The following WDR25 variants were observed in gnomAD, a reference collection of about 807,000 sequenced individuals.
WDR25 encodes the protein WD repeat-containing protein 25.
WDR25 carries 35 observed loss-of-function variants against 47.7 expected under a neutral mutation model. The ratio of observed to expected loss-of-function variants is 0.73; its 90% CI spans 0.56 to 0.97. The LOEUF is 0.97. Ranked by LOEUF, WDR25 falls within the 50% of genes least tolerant of loss-of-function variation. The probability of loss-of-function intolerance (pLI) is 0.00; values close to 1 mark genes in which losing one functional copy is unlikely to be tolerated. For synonymous variants in WDR25, 248 were observed against 278.9 expected, an observed-to-expected ratio of 0.89 and a Z score of 1.10; for missense variants, 634 against 704.7, an observed-to-expected ratio of 0.90 and a Z score of 1.14.
At chr14:100,399,435 T>G (rs957803160) in intron 2 of WDR25, among the ~76,000 whole-genome samples, 1 of 152,008 alleles carries the variant, frequency 6.6e-6, no homozygotes, top group Non-Finnish European at 1.5e-5. Flanking sequence ...TCTCATGTCT[T>G]TTTCGGTACT....
chr14:100,389,798 G>A (rs1342835928), intron 2 of WDR25, among the ~76,000 whole-genome samples: 1 of 152,226 alleles, frequency 6.6e-6, no homozygotes, highest in Non-Finnish European at 1.5e-5. Context: ...GGCTTGTGGG[G>A]CTGTTCCAGG....
In WDR25 at chr14:100,529,252, C is replaced by T; in HGVS notation, c.1413+44C>T. ...CCCAGGCGAATGCTGAGCCCCAGCCCCAAGCCTCCTGGCAGTCCTGGACAT... is the reference window on the plus strand; with the variant it reads ...CCCAGGCGAATGCTGAGCCCCAGCCTCAAGCCTCCTGGCAGTCCTGGACAT... On this transcript the variant is annotated intron_variant, in intron 6 of 6. Transcript: ENST00000402312. This position sits in a 1 kb window ranked among gnomAD's most constrained non-coding sequence, Gnocchi z 5.1. 6.2e-7 allele frequency: 1 copy of T among 1,610,370 alleles called. No individual in the cohort carries two copies. The highest frequency in any genetic ancestry group is 8.5e-7 in the Non-Finnish European group (1 of 1,178,972).
intron 1 of WDR25, chr14:100,376,774 C>T (rs774521101): frequency 8.2e-7 from 1 of 1,221,368 alleles, no homozygotes; most frequent in Non-Finnish European, 1.0e-6. Context: ...GTTTGATTTC[C>T]ACCCACACCA....
intron 3 of WDR25, among the ~76,000 whole-genome samples, chr14:100,471,627 G>A (rs943302863): frequency 2.6e-5 from 4 of 152,158 alleles, no homozygotes; most frequent in South Asian, 2.1e-4. Flanking sequence ...AGTGCAGGGC[G>A]TTCTCACCGC....
chr14:100,473,324 G>C (rs957550409), intron 3 of WDR25, among the ~76,000 whole-genome samples: 1 of 152,226 alleles, frequency 6.6e-6, no homozygotes, highest in African/African-American at 2.4e-5. Flanking sequence ...AGCATGGTCA[G>C]TGACTTTCTT....
intron 1 of WDR25, among the ~76,000 whole-genome samples, chr14:100,379,766 G>T (rs1462395793): frequency 1.3e-5 from 2 of 151,096 alleles, no homozygotes; most frequent in Non-Finnish European, 2.9e-5. Flanking sequence ...TTTTGAGACA[G>T]AGTCTCACTC....
At chr14:100,472,703 T>G (rs1899883590) in intron 3 of WDR25, among the ~76,000 whole-genome samples, 1 of 152,248 alleles carries the variant, frequency 6.6e-6, no homozygotes, top group South Asian at 2.1e-4. Flanking sequence ...GGGGGCAGAC[T>G]GGGAGGAGGC....
intron 2 of WDR25, among the ~76,000 whole-genome samples, chr14:100,393,683 G>C (rs1384624573): frequency 6.6e-6 from 1 of 152,226 alleles, no homozygotes; most frequent in African/African-American, 2.4e-5. Flanking sequence ...AGACTACTTG[G>C]AAAGGGAGCG....
chr14:100,519,619 A>G (rs572928046), intron 4 of WDR25, among the ~76,000 whole-genome samples: 18 of 149,416 alleles, frequency 1.2e-4, no homozygotes, highest in Non-Finnish European at 2.1e-4. Flanking sequence ...CTATCTCTAT[A>G]TCTATATATA....
intron 4 of WDR25, among the ~76,000 whole-genome samples, chr14:100,524,073 T>A (rs569558667): frequency 6.6e-6 from 1 of 152,234 alleles, no homozygotes; most frequent in African/African-American, 2.4e-5. Context: ...AGCCATTCAC[T>A]TTTATGACAC....
intron 4 of WDR25, among the ~76,000 whole-genome samples, chr14:100,511,809 T>C (rs1901320393): frequency 6.6e-6 from 1 of 152,244 alleles, no homozygotes; most frequent in South Asian, 2.1e-4. Flanking sequence ...TTTTTAAAAA[T>C]CATGAATGAA....
At chr14:100,512,000 C>A (rs1046685602) in intron 4 of WDR25, among the ~76,000 whole-genome samples, 3 of 152,022 alleles carry the variant, frequency 2.0e-5, no homozygotes, top group Non-Finnish European at 4.4e-5. Context: ...GGAATTATAT[C>A]AGCTAAAGTT....
At chr14:100,433,174 C>G (rs1898394067) in intron 2 of WDR25, among the ~76,000 whole-genome samples, 1 of 152,232 alleles carries the variant, frequency 6.6e-6, no homozygotes, top group Admixed American at 6.5e-5. Context: ...AAAGAGAATT[C>G]ATGGTCATGT....
rs1761176843 is a variant in WDR25, at chr14:100,407,134, AC to A, written c.822+25389del. ...AATGCCTGGGCTGAGCCTGCGGTTAACATCTTAATAGTAACCGGAGAGTTTC... is the reference window on the plus strand; with the variant it reads ...AATGCCTGGGCTGAGCCTGCGGTTAAATCTTAATAGTAACCGGAGAGTTTC... On this transcript the variant is annotated intron_variant, in intron 2 of 6. Transcript: ENST00000402312. The surrounding 1 kb of genome is among the most constrained non-coding windows in gnomAD (Gnocchi z 4.1). 1 of 152,260 alleles carries A rather than the reference AC, an allele frequency of 6.6e-6. No individual in the cohort carries two copies. Among genetic ancestry groups the A allele is most frequent in the African/African-American group, 2.4e-5 (1 of 41,460 alleles). The allele number at this position is 152,260 out of a possible 1,614,324, so 9.4% of individuals were successfully genotyped here.
intron 4 of WDR25, among the ~76,000 whole-genome samples, chr14:100,518,457 T>C (rs746621655): frequency 3.3e-5 from 5 of 152,172 alleles, no homozygotes; most frequent in Non-Finnish European, 5.9e-5. Flanking sequence ...ATGGTTTGTA[T>C]TGTGTTTTTT....
At position 100,489,532 on chromosome 14, in the gene WDR25, G is replaced by T. The variant is rs539290013; in HGVS notation, c.1101+5408G>T. On this transcript the variant is annotated intron_variant, in intron 4 of 6. Transcript: ENST00000402312. The stretch of plus-strand genomic sequence containing the variant: ...TTAAGAAAGCTTATATAGCAAATTT[G>T]GTGAATCACCTTTTTTGCAGGACTA... Among the ~76,000 whole-genome samples the T allele has an allele frequency of 7.2e-5, 11 of 152,286 alleles. No individual in the cohort carries two copies. The East Asian group carries it at 2.1e-3, about 29-fold the overall frequency.
intron 2 of WDR25, among the ~76,000 whole-genome samples, chr14:100,420,023 C>T (rs999323973): frequency 2.0e-5 from 3 of 152,244 alleles, no homozygotes; most frequent in African/African-American, 7.2e-5. Context: ...TGGGAGTGAA[C>T]GGGTGCTCGC....
intron 2 of WDR25, among the ~76,000 whole-genome samples, chr14:100,445,408 G>A (rs1418182040): frequency 6.6e-6 from 1 of 152,088 alleles, no homozygotes; most frequent in African/African-American, 2.4e-5. Flanking sequence ...AGCTTTGTTG[G>A]TCTTTTTCTA....
chr14:100,493,534 T>C (rs1474762625), intron 4 of WDR25, among the ~76,000 whole-genome samples: 1 of 152,218 alleles, frequency 6.6e-6, no homozygotes. Flanking sequence ...GCTAGAGATT[T>C]CCCACTTGCC....
Sources: allele counts gnomAD v4.1 joint callset (sites outside exome capture counted in the v4.1 genomes callset), GRCh38; gene constraint gnomAD v4.1.1; non-coding constraint Gnocchi (gnomAD v3.1); transcripts MANE v1.5; gene names NCBI Gene and HGNC (gene_info 2026-07-23, HGNC 2026-07-21).